Variants in CPQ observed in about 807,000 individuals in gnomAD.
The protein encoded by CPQ is carboxypeptidase Q.
In CPQ, 37 loss-of-function variants were observed where a neutral mutation model predicts 45.7. The ratio of observed to expected loss-of-function variants is 0.81; its 90% confidence interval spans 0.62 to 1.07. CPQ has a LOEUF of 1.07. Among genes scored for constraint, CPQ ranks in the 50% least tolerant of loss-of-function variants. The pLI is 0.00. For missense variants in CPQ, 537 were observed against 572.9 expected, an observed-to-expected ratio of 0.94 and a Z score of 0.64; for synonymous variants, 186 against 205.8, an observed-to-expected ratio of 0.90 and a Z score of 0.82.
At chr8:96,722,753 T>C in intron 1 of CPQ, among the ~76,000 whole-genome samples, 1 of 152,204 alleles carries the variant, frequency 6.6e-6, no homozygotes, top group Non-Finnish European at 1.5e-5. Flanking sequence ...TTTTCCAGTG[T>C]ACTCCTCTCC....
chr8:97,136,822 C>T (rs1351639440), intron 7 of CPQ, among the ~76,000 whole-genome samples: 1 of 152,242 alleles, frequency 6.6e-6, no homozygotes, highest in Non-Finnish European at 1.5e-5. Context: ...ATGACTCCCT[C>T]TTCAGAGCTC....
At chr8:96,942,867 T>G (rs1361443009) in intron 4 of CPQ, among the ~76,000 whole-genome samples, 2 of 152,206 alleles carry the variant, frequency 1.3e-5, no homozygotes, top group Non-Finnish European at 2.9e-5. Context: ...AGTGCCTCTT[T>G]GTCATTCTTC....
chr8:96,754,478 CT>C (rs1453485070), intron 1 of CPQ, among the ~76,000 whole-genome samples: 1 of 151,946 alleles, frequency 6.6e-6, no homozygotes. Context: ...GTTAGGATAG[CT>C]TTTCCTACTT....
In CPQ at chr8:97,123,177, T is replaced by TATAAAATAAA. The variant is rs1182362136; in HGVS notation, c.1256-19821_1256-19812dup. On this transcript the variant is annotated intron_variant, in intron 7 of 7. Coordinates refer to ENST00000220763, the MANE Select transcript of CPQ (RefSeq NM_016134.4). The stretch of plus-strand genomic sequence containing the variant: ...TAAAATAAAATAAAATAAAATAAAA[T>TATAAAATAAA]ATAAAATAAAATAAAATAAAATAAA... Among the ~76,000 whole-genome samples, 12 of 23,748 alleles carry TATAAAATAAA rather than the reference T, an allele frequency of 5.1e-4. 2 individuals carry two copies. The highest frequency in any genetic ancestry group is 2.1e-3 in the African/African-American group (11 of 5,168). The allele number at this position is 23,748 out of a possible 152,430, so 15.6% of individuals were successfully genotyped here.
intron 5 of CPQ, among the ~76,000 whole-genome samples, chr8:96,970,657 G>A (rs919958594): frequency 7.3e-5 from 11 of 150,890 alleles, no homozygotes; most frequent in Admixed American, 2.0e-4. Context: ...TCCGCCTCCC[G>A]GGTTCACGCC....
intron 2 of CPQ, among the ~76,000 whole-genome samples, chr8:96,810,972 C>T (rs779525402): frequency 1.7e-4 from 26 of 152,134 alleles, no homozygotes; most frequent in Non-Finnish European, 2.9e-4. Flanking sequence ...AAATGTTATC[C>T]AGTTTTCCAG....
At chr8:96,767,493 C>CTT (rs3036420) in intron 1 of CPQ, among the ~76,000 whole-genome samples, 136,138 of 147,268 alleles carry the variant, frequency 0.92, 62,997 homozygotes, top group East Asian at 0.98. Context: ...CTCCAAGTAT[C>CTT]TTTTTTTTTT....
chr8:97,019,431 A>G (rs1809638940), intron 5 of CPQ, among the ~76,000 whole-genome samples: 1 of 152,234 alleles, frequency 6.6e-6, no homozygotes, highest in African/African-American at 2.4e-5. Flanking sequence ...TAAAAGATAC[A>G]GAAATGCAGA....
chr8:96,930,643 T>C (rs1340470998), intron 4 of CPQ, among the ~76,000 whole-genome samples: 1 of 152,222 alleles, frequency 6.6e-6, no homozygotes, highest in Non-Finnish European at 1.5e-5. Context: ...CTCCCAGCAA[T>C]GACTTTTCAG....
chr8:96,708,437 GTA>G (rs71512449), intron 1 of CPQ, among the ~76,000 whole-genome samples: 60,353 of 109,180 alleles, frequency 0.55, 13,916 homozygotes, highest in Non-Finnish European at 0.66. Flanking sequence ...GTGTGTGTGT[GTA>G]TATATATATA....
At chr8:96,727,001 A>C (rs866845627) in intron 1 of CPQ, among the ~76,000 whole-genome samples, 260 of 152,250 alleles carry the variant, frequency 1.7e-3, no homozygotes, top group African/African-American at 6.2e-3. Context: ...ACTAGTACAT[A>C]GTTTATTCAT....
chr8:97,066,218 C>T lies in CPQ; in HGVS notation c.1255+8C>T. On this transcript the variant is annotated splice_region_variant and intron_variant, in intron 7 of 7. Coordinates refer to ENST00000220763, the MANE Select transcript of CPQ (RefSeq NM_016134.4). Reference sequence around the variant, plus strand: ...TCCAAGCTGGAGTGCCTGGTAAGACCAAAAGATGAAGTTGTGTTCCTTATA... The same window carrying T: ...TCCAAGCTGGAGTGCCTGGTAAGACTAAAAGATGAAGTTGTGTTCCTTATA... 6.2e-7 allele frequency: 1 copy of T among 1,604,978 alleles called. No individual in the cohort carries two copies. Among genetic ancestry groups the T allele is most frequent in the Non-Finnish European group, 8.5e-7 (1 of 1,177,200 alleles).
chr8:96,966,568 C>A (rs1420498744), intron 5 of CPQ, among the ~76,000 whole-genome samples: 1 of 152,204 alleles, frequency 6.6e-6, no homozygotes, highest in Non-Finnish European at 1.5e-5. Flanking sequence ...TGCAGCATCC[C>A]TGACCTCTTC....
At chr8:97,059,580 T>G (rs1191249454) in intron 6 of CPQ, among the ~76,000 whole-genome samples, 1 of 151,706 alleles carries the variant, frequency 6.6e-6, no homozygotes, top group Non-Finnish European at 1.5e-5. Flanking sequence ...AAAGGCTGTC[T>G]TTCTACCTTG....
intron 7 of CPQ, among the ~76,000 whole-genome samples, chr8:97,116,641 A>G (rs186964718): frequency 1.3e-3 from 204 of 152,288 alleles, no homozygotes; most frequent in Non-Finnish European, 2.5e-3. Flanking sequence ...CAAGGCAGAG[A>G]GTGTGGCTGA....
chr8:96,824,849 G>A (rs1397266235), intron 2 of CPQ, among the ~76,000 whole-genome samples: 1 of 151,990 alleles, frequency 6.6e-6, no homozygotes, highest in Non-Finnish European at 1.5e-5. Flanking sequence ...GGCCCAGGAG[G>A]CTCTTTGCCC....
intron 5 of CPQ, among the ~76,000 whole-genome samples, chr8:97,027,289 G>C (rs1435532261): frequency 6.6e-6 from 1 of 151,722 alleles, no homozygotes; most frequent in Admixed American, 6.6e-5. Flanking sequence ...AGCAAGTAGT[G>C]GGCACTCTAG....
chr8:96,799,271 C>T (rs947992414), intron 2 of CPQ, among the ~76,000 whole-genome samples: 3 of 152,176 alleles, frequency 2.0e-5, no homozygotes, highest in African/African-American at 4.8e-5. Context: ...CTCATAGGAA[C>T]CTAAAATAGC....
intron 4 of CPQ, among the ~76,000 whole-genome samples, chr8:96,946,892 G>A (rs1024557631): frequency 6.6e-6 from 1 of 151,998 alleles, no homozygotes; most frequent in East Asian, 1.9e-4. Context: ...CCGTTTTCTG[G>A]CCGCTGAGGT....
Sources: allele counts gnomAD v4.1 joint callset (sites outside exome capture counted in the v4.1 genomes callset), GRCh38; gene constraint gnomAD v4.1.1; transcripts MANE v1.5; gene names NCBI Gene and HGNC (gene_info 2026-07-23, HGNC 2026-07-21).